Variants in PPFIA1 observed in about 807,000 individuals in gnomAD.
PPFIA1 encodes PPFI scaffold protein A1, also known as liprin-alpha-1.
PPFIA1 carries 25 observed loss-of-function variants against 149.9 expected under a neutral mutation model. That is an observed-to-expected ratio of 0.17 (90% CI 0.12 to 0.23). The LOEUF (loss-of-function observed/expected upper bound fraction) is 0.23. Among genes scored for constraint, PPFIA1 ranks in the 10% least tolerant of loss-of-function variants. The pLI, the probability that PPFIA1 is intolerant of heterozygous loss-of-function variation, is 1.00. For missense variants in PPFIA1, 1,362 were observed against 1,506.5 expected (o/e 0.90, Z 1.59); for synonymous variants, 549 against 552.8 (o/e 0.99, Z 0.10).
At chr11:70,303,621 C>T (rs1033697344) in intron 2 of PPFIA1, among the ~76,000 whole-genome samples, 1 of 152,188 alleles carries the variant, frequency 6.6e-6, no homozygotes, top group East Asian at 1.9e-4. Context: ...GCTTCTCAAG[C>T]TCCTGGACTC....
intron 2 of PPFIA1, among the ~76,000 whole-genome samples, chr11:70,317,695 G>T (rs931796157): frequency 2.0e-5 from 3 of 152,086 alleles, no homozygotes; most frequent in African/African-American, 7.2e-5. Context: ...CAGCGTGCTG[G>T]GGGGTTTGTG....
rs1308137917 is a variant in PPFIA1, at chr11:70,272,212, G to T, written c.40G>T (p.Gly14Cys). ...GATGCCGACCATCAGCGAAGCAGAA[G>T]GCCCCCCTGGAGGAGGTGGAGGCCA... Reference protein sequence around the residue: ...EVMPTISEAEGPPGGGGGHGS... With the variant: ...EVMPTISEAECPPGGGGGHGS... The change falls in exon 2 of 28, where the codon GGC becomes TGC. Residue 14 changes from glycine (G) to cysteine (C), a missense_variant. Gly to Cys is a radical substitution (Grantham distance 159, BLOSUM62 -3). Around this residue, in one of 7 missense-constraint regions of PPFIA1, gnomAD observed 100 missense variants for 106.2 expected, o/e 0.94. Coordinates refer to ENST00000253925, the MANE Select transcript of PPFIA1 (RefSeq NM_003626.5). The T allele has an allele frequency of 6.2e-7, 1 of 1,613,998 alleles. No individual in the cohort carries two copies.
At chr11:70,358,954 CCCTTTTCATGTTCT>C (rs1430162205) in intron 19 of PPFIA1, among the ~76,000 whole-genome samples, 2 of 152,184 alleles carry the variant, frequency 1.3e-5, no homozygotes, top group African/African-American at 2.4e-5. Context: ...TTAAAGTGTT[CCCTTTTCATGTTCT>C]CCTTTTTGTC....
At position 70,348,277 on chromosome 11, in the gene PPFIA1, C is replaced by T. The variant is rs781264680; in HGVS notation, c.2020C>T (p.Arg674Cys). ...CAGTGGAAGTCTAGACAATCTTGGTCGTTTTAGATCAATGAGCTCCATTCC... is the reference window on the plus strand; with the variant it reads ...CAGTGGAAGTCTAGACAATCTTGGTTGTTTTAGATCAATGAGCTCCATTCC... ...VGSGSLDNLG[R>C]FRSMSSIPPY... is the part of the protein sequence containing the mutation. Residue 674 changes from arginine (R) to cysteine (C), a missense_variant, in exon 16 of 28, where the codon CGT (arginine) becomes TGT (cysteine). By Grantham distance (180) the Arg-to-Cys change is radical (BLOSUM62 -3). Transcript: ENST00000253925. The T allele has an allele frequency of 1.6e-5, 26 of 1,614,080 alleles. No homozygotes were observed. The highest frequency in any genetic ancestry group is 2.7e-5 in the African/African-American group (2 of 74,910).
chr11:70,362,362 C>T lies in PPFIA1; in HGVS notation c.2739C>T (p.Ala913=), dbSNP rs566685349. The T allele has an allele frequency of 3.7e-6, 6 of 1,614,228 alleles. No individual in the cohort carries two copies. In the South Asian group the frequency reaches 6.6e-5, roughly 18 times the overall value. Residue 913 remains alanine (A), a synonymous_variant, in exon 21 of 28, where the codon GCC becomes GCT. Transcript: ENST00000253925. ...TGAAAAGCGGGGCCATCATGTCGGC[C>T]CTGTCCGACACAGAGATCCAGCGTG... ...ANVKSGAIMS[A]LSDTEIQREI...
chr11:70,358,516 C>T (rs1325814621), intron 19 of PPFIA1: 1 of 152,218 alleles, frequency 6.6e-6, no homozygotes, highest in Non-Finnish European at 1.5e-5. Context: ...AGCCACCACG[C>T]CTGGCCTAAA....
chr11:70,361,861 G>A (rs1412458256), intron 19 of PPFIA1, among the ~76,000 whole-genome samples: 4 of 151,152 alleles, frequency 2.6e-5, no homozygotes, highest in Non-Finnish European at 5.9e-5. Context: ...CTGGCCTCAA[G>A]CAGTCTTCCT....
chr11:70,354,563 A>G (rs2056253351), intron 17 of PPFIA1, 111 bp downstream of exon 17: 2 of 1,199,770 alleles, frequency 1.7e-6, no homozygotes, highest in Non-Finnish European at 2.3e-6. Context: ...AGAATTACCC[A>G]TTAATTCAGT....
At chr11:70,308,111 C>T (rs1048149947) in intron 2 of PPFIA1, among the ~76,000 whole-genome samples, 18 of 152,200 alleles carry the variant, frequency 1.2e-4, no homozygotes, top group African/African-American at 2.2e-4. Flanking sequence ...TGCAATGGTG[C>T]GATCTCGGCT....
chr11:70,336,110 C>T (rs188358401), intron 11 of PPFIA1, among the ~76,000 whole-genome samples: 53 of 152,308 alleles, frequency 3.5e-4, no homozygotes, highest in African/African-American at 1.3e-3. Context: ...TAGAAACAAG[C>T]AGTGGGCTGG....
At chr11:70,344,217 C>G (rs754123455) in intron 15 of PPFIA1, among the ~76,000 whole-genome samples, 1 of 152,228 alleles carries the variant, frequency 6.6e-6, no homozygotes, top group African/African-American at 2.4e-5. Context: ...CACTGCCGTC[C>G]TGAAAGCTGC....
intron 2 of PPFIA1, among the ~76,000 whole-genome samples, chr11:70,290,811 T>A (rs1473973963): frequency 6.6e-6 from 1 of 152,256 alleles, no homozygotes; most frequent in East Asian, 1.9e-4. Context: ...AGTAGTGACA[T>A]GCTGAAGTTG....
chr11:70,346,881 A>G (rs1358349479), intron 15 of PPFIA1, among the ~76,000 whole-genome samples: 3 of 152,196 alleles, frequency 2.0e-5, no homozygotes, highest in Non-Finnish European at 4.4e-5. Flanking sequence ...TTAATACTAG[A>G]ATAATTATTA....
rs557466456 is a variant in PPFIA1 at position 70,344,314 on chromosome 11, C to T, written c.1931+422C>T. Reference sequence around the variant, plus strand: ...CCAGAGTGCAGATGAAAGGTGTGCACGGTGGTGGGCTGGGAAGAGATGACG... The same window carrying T: ...CCAGAGTGCAGATGAAAGGTGTGCATGGTGGTGGGCTGGGAAGAGATGACG... On this transcript the variant is annotated intron_variant, in intron 15 of 27. Transcript: ENST00000253925. 5.3e-5 allele frequency among the ~76,000 whole-genome samples: 8 copies of T among 152,292 alleles called. No individual in the cohort carries two copies. The South Asian group carries it at 1.2e-3, about 24-fold the overall frequency.
At chr11:70,359,394 C>T (rs1016971792) in intron 19 of PPFIA1, among the ~76,000 whole-genome samples, 1 of 152,336 alleles carries the variant, frequency 6.6e-6, no homozygotes, top group East Asian at 1.9e-4. Flanking sequence ...TTCCTCAGGA[C>T]TCTGCCAGTG....
At chr11:70,370,051 A>G (rs2057153255) in intron 21 of PPFIA1, among the ~76,000 whole-genome samples, 1 of 151,828 alleles carries the variant, frequency 6.6e-6, no homozygotes, top group South Asian at 2.1e-4. Context: ...TCCTGGTTCA[A>G]GCAATTTTCA....
At chr11:70,282,523 T>C (rs1373858818) in intron 2 of PPFIA1, 1 of 96,562 alleles carries the variant, frequency 1.0e-5, no homozygotes, top group African/African-American at 4.3e-5. Context: ...TGCTGATTTT[T>C]TTTTTTTTTT....
chr11:70,320,465 C>T (rs2053870803), intron 2 of PPFIA1, among the ~76,000 whole-genome samples: 1 of 141,160 alleles, frequency 7.1e-6, no homozygotes, highest in African/African-American at 2.7e-5. Context: ...TTGAGACGCT[C>T]TCGTCACCCG....
chr11:70,344,654 G>T (rs888000767), intron 15 of PPFIA1, among the ~76,000 whole-genome samples: 1 of 152,180 alleles, frequency 6.6e-6, no homozygotes, highest in African/African-American at 2.4e-5. Flanking sequence ...TTCAATACAC[G>T]CAAGTATAAT....
Sources: allele counts gnomAD v4.1 joint callset (sites outside exome capture counted in the v4.1 genomes callset), GRCh38; gene constraint gnomAD v4.1.1; regional missense constraint gnomAD v4.1.1; transcripts MANE v1.5; gene names NCBI Gene and HGNC (gene_info 2026-07-23, HGNC 2026-07-21).